The following CNTNAP5 variants were observed in gnomAD, a reference collection of about 807,000 sequenced individuals.
CNTNAP5 encodes the protein contactin-associated protein-like 5.
Under a neutral mutation model 150.2 loss-of-function variants are expected in CNTNAP5, and 72 were observed. That is an observed-to-expected ratio of 0.48 (90% CI 0.40 to 0.58). The LOEUF (loss-of-function observed/expected upper bound fraction) is 0.58. CNTNAP5 is among the 20% of genes least tolerant of loss of function. The pLI is 0.00. For missense variants in CNTNAP5, 1,636 were observed against 1,626.2 expected (o/e 1.01, Z -0.10); for synonymous variants, 672 against 619.8 (o/e 1.08, Z -1.25).
chr2:124,425,326 A>G (rs1042579060), intron 4 of CNTNAP5, among the ~76,000 whole-genome samples: 1 of 152,238 alleles, frequency 6.6e-6, no homozygotes, highest in Non-Finnish European at 1.5e-5. Context: ...TAATTTTGAC[A>G]TTGCTATTTA....
At chr2:124,260,610 T>G (rs1051881179) in intron 3 of CNTNAP5, among the ~76,000 whole-genome samples, 2 of 152,182 alleles carry the variant, frequency 1.3e-5, no homozygotes, top group Non-Finnish European at 2.9e-5. Flanking sequence ...ATTTTTGCAA[T>G]CTACTCATTT....
In CNTNAP5 at chr2:124,076,425, A is replaced by G. The variant is rs906342213; in HGVS notation, c.82+50693A>G. On this transcript the variant is annotated intron_variant, in intron 1 of 23. Coordinates refer to ENST00000682447, the MANE Select transcript of CNTNAP5 (RefSeq NM_001367498.1). ...TACGATTATAATATTACAGTGTACT[A>G]CAGGTACTATAGTGTTCACATTTGA... is the stretch of plus-strand genomic sequence containing the variant. Among the ~76,000 whole-genome samples the G allele has an allele frequency of 6.6e-5, 10 of 152,142 alleles. No homozygotes were observed. In the South Asian group the frequency reaches 8.3e-4, roughly 13 times the overall value.
intron 1 of CNTNAP5, among the ~76,000 whole-genome samples, chr2:124,202,335 G>A (rs1443591201): frequency 6.6e-6 from 1 of 152,124 alleles, no homozygotes; most frequent in Non-Finnish European, 1.5e-5. Context: ...TGTCATAGCA[G>A]CCCCAATAAA....
At chr2:124,683,319 G>A (rs1286430830) in intron 13 of CNTNAP5, among the ~76,000 whole-genome samples, 1 of 152,168 alleles carries the variant, frequency 6.6e-6, no homozygotes, top group Non-Finnish European at 1.5e-5. Context: ...CAGGAAACAA[G>A]CCAGTGGTAA....
intron 10 of CNTNAP5, among the ~76,000 whole-genome samples, chr2:124,543,652 A>C (rs912804588): frequency 2.6e-5 from 4 of 152,194 alleles, no homozygotes; most frequent in Non-Finnish European, 4.4e-5. Flanking sequence ...CGGTCCATAC[A>C]CTGCCACTGT....
At chr2:124,026,657 C>A (rs1211301617) in intron 1 of CNTNAP5, among the ~76,000 whole-genome samples, 1 of 152,210 alleles carries the variant, frequency 6.6e-6, no homozygotes, top group African/African-American at 2.4e-5. Context: ...ATTAAGCCAT[C>A]TGTGTTGTTT....
intron 13 of CNTNAP5, among the ~76,000 whole-genome samples, chr2:124,729,607 G>A (rs1037546829): frequency 1.3e-4 from 20 of 152,020 alleles, no homozygotes; most frequent in African/African-American, 4.6e-4. Flanking sequence ...TGTTGAACTG[G>A]CAGCAGTTTT....
intron 21 of CNTNAP5, among the ~76,000 whole-genome samples, chr2:124,894,484 T>G (rs945898536): frequency 5.1e-4 from 78 of 151,576 alleles, no homozygotes; most frequent in Admixed American, 5.0e-3. Flanking sequence ...TATTTTTGTT[T>G]CTTTCAGTCC....
chr2:124,662,025 C>T lies in CNTNAP5; in HGVS notation c.2077+14067C>T, dbSNP rs1019679074. Among the ~76,000 whole-genome samples, 8 of 152,196 alleles carry T rather than the reference C, an allele frequency of 5.3e-5. No individual in the cohort carries two copies. In the East Asian group the frequency reaches 1.2e-3, roughly 22 times the overall value. On this transcript the variant is annotated intron_variant, in intron 13 of 23. Transcript: ENST00000682447. ...TTGTCTCCCACCCCCCGATAGGCCTCGGTGTGTGATCTTCCCCTCCCTGTG... is the reference window on the plus strand; with the variant it reads ...TTGTCTCCCACCCCCCGATAGGCCTTGGTGTGTGATCTTCCCCTCCCTGTG...
intron 11 of CNTNAP5, among the ~76,000 whole-genome samples, chr2:124,568,235 A>G (rs1283184572): frequency 6.6e-6 from 1 of 152,322 alleles, no homozygotes; most frequent in South Asian, 2.1e-4. Flanking sequence ...GAGATGAGAA[A>G]GTTTTTGTGT....
At chr2:124,374,843 A>G (rs926378539) in intron 3 of CNTNAP5, among the ~76,000 whole-genome samples, 2 of 152,088 alleles carry the variant, frequency 1.3e-5, no homozygotes, top group African/African-American at 4.8e-5. Flanking sequence ...TATGACTCAC[A>G]AAAGTAAGGC....
chr2:124,278,295 A>G (rs184304071), intron 3 of CNTNAP5, among the ~76,000 whole-genome samples: 62 of 152,278 alleles, frequency 4.1e-4, no homozygotes, highest in African/African-American at 1.1e-3. Flanking sequence ...TAACAAATTA[A>G]CTTGAAGATA....
chr2:124,111,053 A>G (rs1468158270), intron 1 of CNTNAP5, among the ~76,000 whole-genome samples: 2 of 152,208 alleles, frequency 1.3e-5, no homozygotes, highest in African/African-American at 4.8e-5. Flanking sequence ...CCAGGGTGGT[A>G]TTGTATGAAT....
intron 13 of CNTNAP5, among the ~76,000 whole-genome samples, chr2:124,736,033 C>G (rs2105132445): frequency 6.6e-6 from 1 of 152,218 alleles, no homozygotes; most frequent in South Asian, 2.1e-4. Context: ...GAGTTCGATA[C>G]CACCCTGGCC....
intron 1 of CNTNAP5, among the ~76,000 whole-genome samples, chr2:124,066,187 A>G (rs1558743224): frequency 6.6e-6 from 1 of 150,422 alleles, no homozygotes; most frequent in Non-Finnish European, 1.5e-5. Context: ...TGAGAGAGAC[A>G]GTTTTTTTCT....
chr2:124,199,519 G>T (rs768451822), intron 1 of CNTNAP5, among the ~76,000 whole-genome samples: 3 of 146,406 alleles, frequency 2.0e-5, no homozygotes, highest in Non-Finnish European at 4.5e-5. Flanking sequence ...AGGTTCAAGC[G>T]ATTCTCCTGC....
At chr2:124,786,078 T>C (rs1354877380) in intron 17 of CNTNAP5, among the ~76,000 whole-genome samples, 2 of 151,768 alleles carry the variant, frequency 1.3e-5, no homozygotes, top group Non-Finnish European at 1.5e-5. Flanking sequence ...CTAGTAAAAT[T>C]AAATAAACAA....
chr2:124,326,645 C>T (rs1689225323), intron 3 of CNTNAP5, among the ~76,000 whole-genome samples: 1 of 152,102 alleles, frequency 6.6e-6, no homozygotes, highest in Non-Finnish European at 1.5e-5. Flanking sequence ...GCATTATAGG[C>T]CAGGCATGAT....
In CNTNAP5 at chr2:124,494,663, C is replaced by T. The variant is rs547760624; in HGVS notation, c.1063-9629C>T. Among the ~76,000 whole-genome samples the T allele has an allele frequency of 1.4e-3, 215 of 152,228 alleles. 3 individuals carry two copies. Among genetic ancestry groups the T allele is most frequent in the South Asian group, 2.7e-3 (13 of 4,814 alleles). ...TTTTGCCTTATGTGAGTAGACTGGACGCATGACTAAAGATTGCAGTAGAGG... is the reference window on the plus strand; with the variant it reads ...TTTTGCCTTATGTGAGTAGACTGGATGCATGACTAAAGATTGCAGTAGAGG... On this transcript the variant is annotated intron_variant, in intron 7 of 23. Coordinates refer to ENST00000682447, the MANE Select transcript of CNTNAP5 (RefSeq NM_001367498.1).
Sources: gnomAD v4.1 joint callset for allele counts (sites outside exome capture counted in the v4.1 genomes callset) on GRCh38, gnomAD v4.1.1 for gene constraint, MANE v1.5 for transcripts, NCBI Gene and HGNC (gene_info 2026-07-23, HGNC 2026-07-21) for gene names.